Variants in SCAF4 observed in about 807,000 individuals in gnomAD.
SCAF4 encodes SR-related CTD associated factor 4.
SCAF4 carries 25 observed loss-of-function variants against 129.8 expected under a neutral mutation model. The observed-to-expected ratio is 0.19, with a 90% CI of 0.14 to 0.27. The LOEUF (loss-of-function observed/expected upper bound fraction) is 0.27. SCAF4 is among the 10% of genes least tolerant of loss of function. The pLI is 1.00. For synonymous variants in SCAF4, 551 were observed against 497.7 expected (o/e 1.11, Z -1.43); for missense variants, 1,246 against 1,457.1 (o/e 0.86, Z 2.36).
chr21:31,702,889 G>A (rs932610584), intron 4 of SCAF4, among the ~76,000 whole-genome samples: 2 of 152,078 alleles, frequency 1.3e-5, no homozygotes, highest in Admixed American at 6.6e-5. Flanking sequence ...TTTCCCACAA[G>A]AGCATTCTTC....
At chr21:31,697,648 T>C (rs144964111) in intron 7 of SCAF4, among the ~76,000 whole-genome samples, 5 of 152,374 alleles carry the variant, frequency 3.3e-5, no homozygotes, top group East Asian at 3.9e-4. Context: ...ATTCTGCTTA[T>C]AGACTTCAAC....
chr21:31,716,728 CT>C (rs1237126210), intron 1 of SCAF4, among the ~76,000 whole-genome samples: 1 of 152,082 alleles, frequency 6.6e-6, no homozygotes, highest in Non-Finnish European at 1.5e-5. Flanking sequence ...ATGTACAGTC[CT>C]TTTCTTAACC....
chr21:31,672,084 C>T lies in SCAF4; in HGVS notation c.2759G>A (p.Gly920Glu). 1 of 1,613,396 alleles carries T rather than the reference C, an allele frequency of 6.2e-7. No homozygotes were observed. The highest frequency in any genetic ancestry group is 8.5e-7 in the Non-Finnish European group (1 of 1,179,446). The change falls in exon 20 of 20, where the codon GGA becomes GAA. Residue 920 changes from glycine (G) to glutamate (E), a missense_variant. Transcript: ENST00000286835. ...CCCTGGGCCCCCGAGCCCTGGCATT[C>T]CACCAGGCCTAACAAAGGGGCCATG... ...PPHGPFVRPGGMPGLGGPGPG... is the reference protein window; with the variant it reads ...PPHGPFVRPGEMPGLGGPGPG...
chr21:31,683,550 C>T (rs771000324), intron 19 of SCAF4, among the ~76,000 whole-genome samples: 9 of 152,050 alleles, frequency 5.9e-5, no homozygotes, highest in Non-Finnish European at 1.3e-4. Flanking sequence ...ATTTATTAAA[C>T]CCAGTAAAAA....
At chr21:31,714,241 G>C (rs1032287789) in intron 1 of SCAF4, among the ~76,000 whole-genome samples, 2 of 152,116 alleles carry the variant, frequency 1.3e-5, no homozygotes, top group African/African-American at 4.8e-5. Context: ...ACCGTTAGGT[G>C]CAGAGCTCCC....
chr21:31,689,746 T>C (rs2050213838), intron 15 of SCAF4, among the ~76,000 whole-genome samples: 1 of 150,556 alleles, frequency 6.6e-6, no homozygotes, highest in South Asian at 2.1e-4. Context: ...CAGCCTAACA[T>C]GGTGAAACCC....
chr21:31,696,807 A>G (rs2050399826), intron 7 of SCAF4, 57 bp from the exon 8 acceptor site: 2 of 1,427,654 alleles, frequency 1.4e-6, no homozygotes, highest in African/African-American at 1.4e-5. Flanking sequence ...ACTGCACAAA[A>G]AACTTTATGA....
At chr21:31,702,475 A>G (rs552412181) in intron 4 of SCAF4, 96 bp from the exon 5 acceptor site, 12 of 1,063,314 alleles carry the variant, frequency 1.1e-5, no homozygotes, top group East Asian at 5.0e-5. Flanking sequence ...CCCTAGGCTA[A>G]TATTTCCATA....
At chr21:31,729,418 T>C (rs930364231) in intron 1 of SCAF4, among the ~76,000 whole-genome samples, 1 of 152,228 alleles carries the variant, frequency 6.6e-6, no homozygotes, top group Non-Finnish European at 1.5e-5. Context: ...ATTAAAATTA[T>C]TTGTCTAAGT....
chr21:31,693,179 A>G (rs1368157058), intron 12 of SCAF4, 115 bp downstream of exon 12: 1 of 754,056 alleles, frequency 1.3e-6, no homozygotes, highest in Non-Finnish European at 1.9e-6. Flanking sequence ...TATTTCAAAT[A>G]AAAATCAACA....
chr21:31,702,506 AGG>A, intron 4 of SCAF4, 127 bp from the exon 5 acceptor site: 1 of 841,446 alleles, frequency 1.2e-6, no homozygotes. Flanking sequence ...TTCATAAACA[AGG>A]AAAAAAAAAA....
chr21:31,727,690 G>T (rs1441462949), intron 1 of SCAF4, among the ~76,000 whole-genome samples: 5 of 151,860 alleles, frequency 3.3e-5, no homozygotes, highest in Non-Finnish European at 7.4e-5. Flanking sequence ...TACTCGGGAG[G>T]AGAGGCAGGA....
At chr21:31,717,066 T>C (rs529973877) in intron 1 of SCAF4, among the ~76,000 whole-genome samples, 2 of 152,224 alleles carry the variant, frequency 1.3e-5, no homozygotes, top group Admixed American at 6.5e-5. Context: ...TACAAGGAGA[T>C]AAAATTCTTA....
chr21:31,703,350 A>G (rs1365422760), intron 4 of SCAF4, among the ~76,000 whole-genome samples: 2 of 152,090 alleles, frequency 1.3e-5, no homozygotes, highest in Non-Finnish European at 2.9e-5. Flanking sequence ...TTAACATGAG[A>G]TCTACTCACT....
chr21:31,694,844 T>C lies in SCAF4; in HGVS notation c.1205A>G (p.Asn402Ser), dbSNP rs765749575. Residue 402 changes from asparagine to serine, a missense_variant, in exon 10 of 20, where the codon AAT becomes AGT. Physicochemically the swap from Asn to Ser is conservative, Grantham distance 46. Coordinates refer to ENST00000286835, the MANE Select transcript of SCAF4 (RefSeq NM_020706.2). ...QPFQASFQAQNEPLTQKPHQQ... is the reference protein window; with the variant it reads ...QPFQASFQAQSEPLTQKPHQQ... ...ATGCGGCTTCTGTGTAAGTGGTTCATTTTGTGCCTGAAAAGAAGCTTGGAA... is the reference window on the plus strand; with the variant it reads ...ATGCGGCTTCTGTGTAAGTGGTTCACTTTGTGCCTGAAAAGAAGCTTGGAA... 4.3e-6 allele frequency: 7 copies of C among 1,614,152 alleles called. No individual in the cohort carries two copies. Among genetic ancestry groups the C allele is most frequent in the Non-Finnish European group, 5.9e-6 (7 of 1,180,004 alleles).
intron 4 of SCAF4, among the ~76,000 whole-genome samples, chr21:31,703,300 A>G (rs906082566): frequency 2.0e-5 from 3 of 152,070 alleles, no homozygotes; most frequent in Non-Finnish European, 4.4e-5. Context: ...CGCCTTTCAT[A>G]TTATTTTTTA....
chr21:31,697,281 CT>C (rs2050411371), intron 7 of SCAF4, among the ~76,000 whole-genome samples: 1 of 152,118 alleles, frequency 6.6e-6, no homozygotes, highest in African/African-American at 2.4e-5. Context: ...TCGCTTGCTT[CT>C]TTCTCATAAC....
At chr21:31,731,147 G>C (rs1343318637) in intron 1 of SCAF4, among the ~76,000 whole-genome samples, 1 of 152,226 alleles carries the variant, frequency 6.6e-6, no homozygotes, top group Admixed American at 6.5e-5. Context: ...CCAGACCCGG[G>C]ATCAGAGTCC....
chr21:31,700,921 T>C (rs1334658977), intron 7 of SCAF4, 74 bp downstream of exon 7: 3 of 1,436,314 alleles, frequency 2.1e-6, no homozygotes, highest in Non-Finnish European at 2.9e-6. Flanking sequence ...ACAGAAGGGA[T>C]ACAGAAGTGA....
Sources: allele counts gnomAD v4.1 joint callset (sites outside exome capture counted in the v4.1 genomes callset), GRCh38; gene constraint gnomAD v4.1.1; transcripts MANE v1.5; gene names NCBI Gene and HGNC (gene_info 2026-07-23, HGNC 2026-07-21).